The following CLN3 variants were observed in gnomAD, a reference collection of about 807,000 sequenced individuals.
The protein encoded by CLN3 is battenin.
CLN3 carries 49 observed loss-of-function variants against 60.7 expected under a neutral mutation model. The ratio of observed to expected loss-of-function variants is 0.81; its 90% confidence interval spans 0.64 to 1.02. The LOEUF is 1.02. Among genes scored for constraint, CLN3 ranks in the 50% least tolerant of loss-of-function variants. The pLI, the probability that CLN3 is intolerant of heterozygous loss-of-function variation, is 0.00. For synonymous variants in CLN3, 256 were observed against 245.8 expected (o/e 1.04, Z -0.39); for missense variants, 516 against 557.4 (o/e 0.93, Z 0.75).
chr16:28,479,043 CT>C (rs939432137), intron 14 of CLN3, among the ~76,000 whole-genome samples: 3 of 152,170 alleles, frequency 2.0e-5, no homozygotes, highest in Non-Finnish European at 4.4e-5. Flanking sequence ...GCCAGGAAGC[CT>C]CTTCGATCCC....
chr16:28,481,417 AACACACACACACACACAC>A (rs767753225), intron 14 of CLN3, among the ~76,000 whole-genome samples: 1 of 129,578 alleles, frequency 7.7e-6, no homozygotes, highest in Non-Finnish European at 1.7e-5. Context: ...CAATGCTTAA[AACACACACACACACACAC>A]ACACACACAC....
At position 28,488,036 on chromosome 16, in the gene CLN3, G is replaced by C. The variant is rs186255771; in HGVS notation, c.295-295C>G. The C allele has an allele frequency of 6.3e-4, 237 of 373,874 alleles. 1 individual carries two copies. Among genetic ancestry groups the C allele is most frequent in the Non-Finnish European group, 9.9e-4 (193 of 195,488 alleles). The allele number at this position is 373,874 out of a possible 1,614,324, so 23.2% of individuals were successfully genotyped here. A position where few individuals can be genotyped will look rare whatever the true frequency, so the allele number is the denominator to read the frequency against. ...ATATGGTGCAGACAGAAAGGACTCA[G>C]AAACTATATATATATATATTTTGAG... is the stretch of plus-strand genomic sequence containing the variant. On this transcript the variant is annotated intron_variant, in intron 5 of 15. Coordinates refer to ENST00000636147, the MANE Select transcript of CLN3 (RefSeq NM_001042432.2).
intron 14 of CLN3, among the ~76,000 whole-genome samples, chr16:28,478,741 G>A (rs2046039738): frequency 1.3e-5 from 2 of 152,014 alleles, no homozygotes; most frequent in South Asian, 4.1e-4. Context: ...CATGGTGAGG[G>A]CTGTCCTGTA....
rs575618306 is a variant in CLN3 at position 28,479,519 on chromosome 16, G to T, written c.1057-1642C>A. The T allele has an allele frequency of 9.2e-5, 14 of 152,708 alleles. No homozygotes were observed. In the East Asian group the frequency reaches 2.5e-3, roughly 27 times the overall value. 9.5% of individuals were successfully genotyped at this position (152,708 alleles called of 1,614,324 possible). Reference sequence around the variant, plus strand: ...GAAGAATCGCCTGAACCTGGGAGGCGGAGGTTGCAGTGAGCCAAGATCACG... The same window carrying T: ...GAAGAATCGCCTGAACCTGGGAGGCTGAGGTTGCAGTGAGCCAAGATCACG... On this transcript the variant is annotated intron_variant, in intron 14 of 15. Transcript: ENST00000636147.
At chr16:28,489,885 C>T (rs1055832316) in intron 3 of CLN3, among the ~76,000 whole-genome samples, 2 of 150,698 alleles carry the variant, frequency 1.3e-5, no homozygotes, top group African/African-American at 4.9e-5. Flanking sequence ...GGAGAAACCC[C>T]GTCTCTACTA....
chr16:28,487,929 G>A, intron 5 of CLN3, 188 bp from the exon 6 acceptor site: 1 of 610,668 alleles, frequency 1.6e-6, no homozygotes, highest in Non-Finnish European at 3.0e-6. Flanking sequence ...TATACTCTCT[G>A]AGCTTCAGTT....
chr16:28,488,545 C>G, intron 5 of CLN3, 46 bp downstream of exon 5: 1 of 1,579,654 alleles, frequency 6.3e-7, no homozygotes, highest in Non-Finnish European at 8.7e-7. Context: ...GTCTATAGAC[C>G]CAGGGGCCCT....
chr16:28,481,426 ACACACACACACACACACACACACACACG>A (rs1474691413), intron 14 of CLN3, among the ~76,000 whole-genome samples: 1 of 127,138 alleles, frequency 7.9e-6, no homozygotes, highest in Non-Finnish European at 1.7e-5. Context: ...AAACACACAC[ACACACACACACACACACACACACACACG>A]CACACACACA....
downstream of CLN3, chr16:28,476,386 A>C (rs2141691741): frequency 6.6e-6 from 1 of 151,730 alleles, no homozygotes; most frequent in African/African-American, 2.4e-5. Context: ...CTACAAAAAA[A>C]AAAAAAAAAA....
At chr16:28,488,444 G>T in intron 5 of CLN3, 147 bp downstream of exon 5, 1 of 671,746 alleles carries the variant, frequency 1.5e-6, no homozygotes. Flanking sequence ...CAAAGTGCTG[G>T]GATTACAAGT....
rs749028873 is a variant in CLN3, at chr16:28,491,647, C to T, written c.46+67G>A. The T allele has an allele frequency of 3.1e-6, 5 of 1,613,780 alleles. No individual in the cohort carries two copies. The African/African-American group carries it at 5.3e-5, about 17-fold the overall frequency. Reference sequence around the variant, plus strand: ...GTGTCCTCCCGGGGCCGAGTCAGCTCTCATTCCCCTCAGGTGGGCTGCGAG... The same window carrying T: ...GTGTCCTCCCGGGGCCGAGTCAGCTTTCATTCCCCTCAGGTGGGCTGCGAG... On this transcript the variant is annotated intron_variant, in intron 2 of 15. Transcript: ENST00000636147.
At chr16:28,470,696 G>C (rs1008354969), downstream of CLN3, 1 of 569,694 alleles carries the variant, frequency 1.8e-6, no homozygotes, top group African/African-American at 1.9e-5. Context: ...GGGGGCTGTT[G>C]GGCACCTGGA....
intron 10 of CLN3, among the ~76,000 whole-genome samples, chr16:28,483,355 G>A (rs1223829716): frequency 3.3e-5 from 5 of 151,874 alleles, no homozygotes; most frequent in Admixed American, 2.6e-4. Flanking sequence ...CCAAGTAGCT[G>A]GGACTACAGG....
At chr16:28,470,607 G>T (rs2045941654), downstream of CLN3, 31 of 56,970 alleles carry the variant, frequency 5.4e-4, no homozygotes, top group Admixed American at 1.6e-3. Context: ...AGGGGAAGGG[G>T]AAGGGGAGGG....
intron 10 of CLN3, 90 bp downstream of exon 10, chr16:28,483,916 T>C (rs1280155888): frequency 3.4e-6 from 3 of 893,428 alleles, no homozygotes; most frequent in Non-Finnish European, 5.5e-6. Flanking sequence ...ACTCACTCTC[T>C]TTCCCCTCTT....
At chr16:28,487,949 G>T in intron 5 of CLN3, 1 of 580,744 alleles carries the variant, frequency 1.7e-6, no homozygotes, top group Non-Finnish European at 3.1e-6. Flanking sequence ...TTCCTCATCT[G>T]GAAAATGGGA....
chr16:28,482,084 T>G (rs1467276949), intron 14 of CLN3, 21 bp downstream of exon 14: 1 of 1,592,372 alleles, frequency 6.3e-7, no homozygotes, highest in African/African-American at 1.4e-5. Context: ...GGGAGTGAAG[T>G]GAGGGGCAGG....
chr16:28,479,785 C>CA, intron 14 of CLN3: 2 of 209,546 alleles, frequency 9.5e-6, no homozygotes, highest in Non-Finnish European at 2.0e-5. Context: ...CAAAACAAAA[C>CA]AAAAAACATT....
At position 28,487,523 on chromosome 16, in the gene CLN3, A is replaced by G. The variant is rs794727850; in HGVS notation, c.393T>C (p.Ser131=). 6.2e-7 allele frequency: 1 copy of G among 1,613,602 alleles called. No homozygotes were observed. Among genetic ancestry groups the G allele is most frequent in the Non-Finnish European group, 8.5e-7 (1 of 1,179,790 alleles). The part of the protein sequence containing the change: ...LLPYSPRVLV[S]GICAAGSFVL... ...CGAAGCTTCCAGCAGCACAAATCCC[A>G]CTGACGAGAACCCGGGGGCTGAGGG... is the stretch of plus-strand genomic sequence containing the variant. Residue 131 remains serine, a synonymous_variant, in exon 7 of 16, where the codon AGT becomes AGC. Coordinates refer to ENST00000636147, the MANE Select transcript of CLN3 (RefSeq NM_001042432.2).
Sources: gnomAD v4.1 joint callset for allele counts (sites outside exome capture counted in the v4.1 genomes callset) on GRCh38, gnomAD v4.1.1 for gene constraint, MANE v1.5 for transcripts, NCBI Gene and HGNC (gene_info 2026-07-23, HGNC 2026-07-21) for gene names.